CACNA2D1: variants seen among roughly 807,000 people sequenced by gnomAD.
CACNA2D1 encodes the protein calcium voltage-gated channel auxiliary subunit alpha2delta 1.
CACNA2D1 carries 53 observed loss-of-function variants against 171.5 expected under a neutral mutation model. The observed-to-expected ratio is 0.31, with a 90% confidence interval of 0.25 to 0.39. CACNA2D1 has a LOEUF of 0.39. CACNA2D1 is among the 10% of genes least tolerant of loss of function. The pLI is 1.00. For synonymous variants in CACNA2D1, 442 were observed against 443.1 expected (o/e 1.00, Z 0.03); for missense variants, 903 against 1,299.8 (o/e 0.69, Z 4.69).
chr7:82,312,732 C>T (rs767957130), intron 3 of CACNA2D1, among the ~76,000 whole-genome samples: 4 of 150,670 alleles, frequency 2.7e-5, no homozygotes, highest in Non-Finnish European at 4.4e-5. Context: ...TAGTGTTTTG[C>T]CATGTTGGCC....
intron 1 of CACNA2D1, among the ~76,000 whole-genome samples, chr7:82,402,929 G>C (rs1221255152): frequency 6.6e-6 from 1 of 151,894 alleles, no homozygotes; most frequent in East Asian, 1.9e-4. Flanking sequence ...ATAACGAAAG[G>C]CTATAATTTA....
intron 5 of CACNA2D1, among the ~76,000 whole-genome samples, chr7:82,130,449 T>A (rs1321493873): frequency 1.3e-5 from 2 of 152,128 alleles, no homozygotes; most frequent in Non-Finnish European, 1.5e-5. Flanking sequence ...TTTATAAATT[T>A]ATATAATAAT....
At chr7:82,130,496 A>G (rs1790826926) in intron 5 of CACNA2D1, among the ~76,000 whole-genome samples, 1 of 152,072 alleles carries the variant, frequency 6.6e-6, no homozygotes. Flanking sequence ...TTATAATCAT[A>G]AAATGAGATA....
intron 1 of CACNA2D1, among the ~76,000 whole-genome samples, chr7:82,405,934 C>T (rs1011504175): frequency 1.3e-5 from 2 of 152,128 alleles, no homozygotes; most frequent in African/African-American, 4.8e-5. Flanking sequence ...TACCTGCGCA[C>T]AACGTGCAGG....
intron 4 of CACNA2D1, among the ~76,000 whole-genome samples, chr7:82,153,845 T>TA (rs35485872): frequency 0.27 from 39,725 of 147,782 alleles, 5,502 homozygotes; most frequent in Admixed American, 0.33. Context: ...GAGCAAACTA[T>TA]AAAAAAAAAA....
At chr7:82,174,673 A>T (rs1262598082) in intron 3 of CACNA2D1, among the ~76,000 whole-genome samples, 3 of 152,126 alleles carry the variant, frequency 2.0e-5, no homozygotes, top group Non-Finnish European at 4.4e-5. Context: ...TTTTAGGTTA[A>T]TAAAAAAATC....
intron 3 of CACNA2D1, among the ~76,000 whole-genome samples, chr7:82,264,264 T>C (rs1444274207): frequency 1.3e-5 from 2 of 152,214 alleles, no homozygotes; most frequent in East Asian, 1.9e-4. Flanking sequence ...CAAAAGATTG[T>C]TCCCCTTGGT....
At chr7:82,416,555 T>A (rs1310466823) in intron 1 of CACNA2D1, among the ~76,000 whole-genome samples, 6 of 152,170 alleles carry the variant, frequency 3.9e-5, no homozygotes, top group Non-Finnish European at 7.3e-5. Context: ...CTCCCCTTGC[T>A]ACTAGTAATT....
intron 1 of CACNA2D1, among the ~76,000 whole-genome samples, chr7:82,391,527 T>C (rs983676329): frequency 1.3e-5 from 2 of 152,200 alleles, no homozygotes; most frequent in East Asian, 1.9e-4. Context: ...CACACTTAGA[T>C]AGGATATAGC....
intron 24 of CACNA2D1, among the ~76,000 whole-genome samples, chr7:81,978,780 C>A (rs1051053233): frequency 8.6e-6 from 1 of 116,832 alleles, no homozygotes; most frequent in East Asian, 2.7e-4. Context: ...TACACACACA[C>A]ACACACTGTT....
chr7:82,349,168 T>C (rs2129445821), intron 2 of CACNA2D1, among the ~76,000 whole-genome samples: 1 of 152,316 alleles, frequency 6.6e-6, no homozygotes, highest in South Asian at 2.1e-4. Context: ...AATGAATATA[T>C]GTTTTCACTG....
At chr7:82,106,413 A>G (rs1230724531) in intron 6 of CACNA2D1, among the ~76,000 whole-genome samples, 1 of 152,076 alleles carries the variant, frequency 6.6e-6, no homozygotes, top group Non-Finnish European at 1.5e-5. Context: ...CATTTGTTAT[A>G]CGCATCATAA....
intron 3 of CACNA2D1, among the ~76,000 whole-genome samples, chr7:82,296,507 G>C (rs1017029596): frequency 1.3e-5 from 2 of 152,152 alleles, no homozygotes; most frequent in Non-Finnish European, 2.9e-5. Context: ...AAGGATTTTA[G>C]AGAAATTTAG....
At chr7:82,165,294 A>G (rs1795325827) in intron 4 of CACNA2D1, among the ~76,000 whole-genome samples, 1 of 151,990 alleles carries the variant, frequency 6.6e-6, no homozygotes, top group African/African-American at 2.4e-5. Flanking sequence ...GTACTTTATC[A>G]CAGGACATAT....
chr7:82,345,850 G>A (rs1819193268), intron 2 of CACNA2D1, among the ~76,000 whole-genome samples: 1 of 151,970 alleles, frequency 6.6e-6, no homozygotes, highest in Non-Finnish European at 1.5e-5. Context: ...TTCCATCTCT[G>A]TTAATACAGC....
chr7:82,030,742 A>T (rs1289885293), intron 12 of CACNA2D1, among the ~76,000 whole-genome samples: 1 of 151,914 alleles, frequency 6.6e-6, no homozygotes, highest in East Asian at 1.9e-4. Flanking sequence ...TCTATCACAA[A>T]ATAGTATACT....
chr7:82,345,636 T>C (rs1214632853), intron 2 of CACNA2D1, among the ~76,000 whole-genome samples: 6 of 151,858 alleles, frequency 4.0e-5, no homozygotes, highest in African/African-American at 1.5e-4. Flanking sequence ...TATTCATAAA[T>C]ATGTGATGAT....
chr7:82,254,322 G>C (rs1281686563), intron 3 of CACNA2D1, among the ~76,000 whole-genome samples: 1 of 152,016 alleles, frequency 6.6e-6, no homozygotes, highest in Non-Finnish European at 1.5e-5. Flanking sequence ...AAGGTTACTT[G>C]TTTTCATATA....
intron 5 of CACNA2D1, among the ~76,000 whole-genome samples, chr7:82,121,065 T>C (rs2129057572): frequency 6.6e-6 from 1 of 152,116 alleles, no homozygotes; most frequent in East Asian, 1.9e-4. Context: ...GTTTGTTTGT[T>C]TGTTTTGTTT....
Sources: gnomAD v4.1 joint callset for allele counts (sites outside exome capture counted in the v4.1 genomes callset) on GRCh38, gnomAD v4.1.1 for gene constraint, MANE v1.5 for transcripts, NCBI Gene and HGNC (gene_info 2026-07-23, HGNC 2026-07-21) for gene names.